EXOC4: variants seen among roughly 807,000 people sequenced by gnomAD.
EXOC4 encodes SEC8-like 1.
Under a neutral mutation model 107.2 loss-of-function variants are expected in EXOC4, and 71 were observed. That is an observed-to-expected ratio of 0.66 (90% CI 0.55 to 0.81). The LOEUF (loss-of-function observed/expected upper bound fraction) is 0.81. EXOC4 is among the 30% of genes least tolerant of loss of function. EXOC4 has a pLI of 0.00. For missense variants in EXOC4, 1,108 were observed against 1,189.6 expected (o/e 0.93, Z 1.01); for synonymous variants, 456 against 441.2 (o/e 1.03, Z -0.42).
intron 9 of EXOC4, among the ~76,000 whole-genome samples, chr7:133,524,533 GGT>G (rs1394913528): frequency 7.1e-6 from 1 of 140,248 alleles, no homozygotes; most frequent in Admixed American, 7.3e-5. Flanking sequence ...TGTCCTGAAT[GGT>G]AATGCCTAGG....
At chr7:134,097,817 T>C in the EXOC4 span, among the ~76,000 whole-genome samples, 3 of 152,200 alleles carry the variant, frequency 2.0e-5, no homozygotes, top group African/African-American at 7.2e-5. Context: ...TGAAGAGTTA[T>C]CCAGGGCCTG....
At chr7:133,540,404 A>G (rs1800355851) in intron 9 of EXOC4, among the ~76,000 whole-genome samples, 2 of 152,232 alleles carry the variant, frequency 1.3e-5, no homozygotes, top group Non-Finnish European at 2.9e-5. Flanking sequence ...AAGAAAATAT[A>G]TTAAAAACCA....
intron 11 of EXOC4, among the ~76,000 whole-genome samples, chr7:133,881,292 C>T (rs985853007): frequency 6.6e-6 from 1 of 151,144 alleles, no homozygotes; most frequent in South Asian, 2.1e-4. Context: ...CCACATACCC[C>T]CTTCACCCCA....
At chr7:133,347,374 G>C (rs1795808719) in intron 5 of EXOC4, among the ~76,000 whole-genome samples, 2 of 151,920 alleles carry the variant, frequency 1.3e-5, no homozygotes, top group South Asian at 4.2e-4. Context: ...CTCCCGAGTA[G>C]CTGGGACTAC....
intron 10 of EXOC4, among the ~76,000 whole-genome samples, chr7:133,680,160 T>A (rs7778178): frequency 6.6e-6 from 1 of 152,166 alleles, no homozygotes; most frequent in East Asian, 1.9e-4. Flanking sequence ...AGCTTTGATA[T>A]CAGATTCTGA....
At chr7:133,640,693 A>T (rs2151024332) in intron 10 of EXOC4, among the ~76,000 whole-genome samples, 1 of 152,346 alleles carries the variant, frequency 6.6e-6, no homozygotes, top group South Asian at 2.1e-4. Context: ...CTAGCGGAGC[A>T]AAAATTAGTT....
At chr7:134,088,658 C>T in the EXOC4 span, among the ~76,000 whole-genome samples, 1 of 152,134 alleles carries the variant, frequency 6.6e-6, no homozygotes, top group Non-Finnish European at 1.5e-5. Context: ...TATCAGAAAA[C>T]TGCATTTAAG....
intron 2 of EXOC4, 51 bp from the exon 3 acceptor site, chr7:133,288,871 T>TA (rs767103329): frequency 6.6e-7 from 1 of 1,526,396 alleles, no homozygotes; most frequent in South Asian, 1.2e-5. Flanking sequence ...ATTATAGGTT[T>TA]AGACTGGCAA....
chr7:134,019,474 T>C (rs1794981745), intron 17 of EXOC4, among the ~76,000 whole-genome samples: 1 of 148,290 alleles, frequency 6.7e-6, no homozygotes, highest in Admixed American at 7.0e-5. Flanking sequence ...ATATGAGTAA[T>C]TATAATTACT....
rs190194801 is a variant in EXOC4, at chr7:133,372,468, A to G, written c.1008-2360A>G. Among the ~76,000 whole-genome samples, 71 of 152,246 alleles carry G rather than the reference A, an allele frequency of 4.7e-4. 1 individual carries two copies. The East Asian group carries it at 7.5e-3, about 16-fold the overall frequency. On this transcript the variant is annotated intron_variant, in intron 6 of 17. Transcript: ENST00000253861. ...TGGCAGAAACTGGAACTGTGTCAGC[A>G]TTTTATTAAGAGATTGCTATTTCCA...
the EXOC4 span, among the ~76,000 whole-genome samples, chr7:134,095,205 A>G: frequency 1.3e-5 from 2 of 152,152 alleles, no homozygotes; most frequent in Non-Finnish European, 2.9e-5. Flanking sequence ...CCCATTTATA[A>G]TAGCCACACC....
chr7:134,069,598 A>T (rs1352629086), downstream of EXOC4, among the ~76,000 whole-genome samples: 1 of 152,090 alleles, frequency 6.6e-6, no homozygotes, highest in African/African-American at 2.4e-5. Flanking sequence ...CCTGGGTTCA[A>T]GCGATTCTCA....
At chr7:133,516,530 T>C (rs1299038903) in intron 9 of EXOC4, among the ~76,000 whole-genome samples, 3 of 152,210 alleles carry the variant, frequency 2.0e-5, no homozygotes, top group Non-Finnish European at 2.9e-5. Context: ...ATTTCATTGC[T>C]GAATAATATT....
In EXOC4 at chr7:133,283,172, G is replaced by A. The variant is rs902728318; in HGVS notation, c.277-5750G>A. Among the ~76,000 whole-genome samples the A allele has an allele frequency of 3.9e-5, 6 of 152,162 alleles. 2 individuals carry two copies. The highest frequency in any genetic ancestry group is 3.9e-4 in the Admixed American group (6 of 15,278). Reference sequence around the variant, plus strand: ...CCAGGCTGGAGTAAATGGTGCAGTCGGCTCACTGTAGCCTCGACTTACTGA... The same window carrying A: ...CCAGGCTGGAGTAAATGGTGCAGTCAGCTCACTGTAGCCTCGACTTACTGA... On this transcript the variant is annotated intron_variant, in intron 2 of 17. Coordinates refer to ENST00000253861, the MANE Select transcript of EXOC4 (RefSeq NM_021807.4).
At chr7:133,366,960 T>C (rs937804175) in intron 6 of EXOC4, among the ~76,000 whole-genome samples, 1 of 152,060 alleles carries the variant, frequency 6.6e-6, no homozygotes, top group Non-Finnish European at 1.5e-5. Flanking sequence ...GGAGGCCTAT[T>C]TGAGAGAGAG....
intron 10 of EXOC4, among the ~76,000 whole-genome samples, chr7:133,671,882 G>GT (rs1189772512): frequency 6.6e-6 from 1 of 152,298 alleles, no homozygotes; most frequent in East Asian, 1.9e-4. Flanking sequence ...GAGTAAGATC[G>GT]TGAGTTTGGT....
intron 10 of EXOC4, among the ~76,000 whole-genome samples, chr7:133,638,187 T>C (rs1243980269): frequency 1.3e-5 from 2 of 152,194 alleles, no homozygotes; most frequent in African/African-American, 4.8e-5. Context: ...GTTGGTTGTA[T>C]GTTTAGAGAG....
intron 10 of EXOC4, among the ~76,000 whole-genome samples, chr7:133,681,322 A>C (rs1794182197): frequency 1.3e-5 from 2 of 152,202 alleles, no homozygotes; most frequent in African/African-American, 4.8e-5. Flanking sequence ...AATAAAGCAA[A>C]GTAAAGGGCA....
intron 11 of EXOC4, among the ~76,000 whole-genome samples, chr7:133,825,347 A>G (rs1270017128): frequency 1.3e-5 from 2 of 152,142 alleles, no homozygotes; most frequent in African/African-American, 4.8e-5. Flanking sequence ...CCTGAATGAT[A>G]GAGTGAGACT....
Sources: allele counts gnomAD v4.1 joint callset (sites outside exome capture counted in the v4.1 genomes callset), GRCh38; gene constraint gnomAD v4.1.1; transcripts MANE v1.5; gene names NCBI Gene and HGNC (gene_info 2026-07-23, HGNC 2026-07-21).